Variants in ADAM12 observed in about 807,000 individuals in gnomAD.
ADAM12 encodes ADAM metallopeptidase domain 12.
Under a neutral mutation model 106.4 loss-of-function variants are expected in ADAM12, and 70 were observed. The ratio of observed to expected loss-of-function variants is 0.66; its 90% CI spans 0.54 to 0.80. The LOEUF is 0.80. ADAM12 is among the 30% of genes least tolerant of loss of function. The pLI, the probability that ADAM12 is intolerant of heterozygous loss-of-function variation, is 0.00. For synonymous variants in ADAM12, 420 were observed against 433.5 expected (o/e 0.97, Z 0.39); for missense variants, 1,010 against 1,171.9 (o/e 0.86, Z 2.02).
chr10:126,338,128 T>C (rs1334203663), intron 1 of ADAM12, among the ~76,000 whole-genome samples: 1 of 152,138 alleles, frequency 6.6e-6, no homozygotes, highest in Non-Finnish European at 1.5e-5. Flanking sequence ...TTCTCATAAA[T>C]GTCTAAATAG....
chr10:126,261,461 T>C, intron 3 of ADAM12, among the ~76,000 whole-genome samples: 1 of 152,210 alleles, frequency 6.6e-6, no homozygotes, highest in East Asian at 1.9e-4. Context: ...TTATCTAATT[T>C]TCCTATTAAT....
At chr10:126,116,702 C>T (rs1365204566) in intron 6 of ADAM12, among the ~76,000 whole-genome samples, 1 of 151,838 alleles carries the variant, frequency 6.6e-6, no homozygotes, top group Non-Finnish European at 1.5e-5. Context: ...TACTAGCAAA[C>T]AGAAGACGTG....
intron 2 of ADAM12, among the ~76,000 whole-genome samples, chr10:126,302,565 G>A (rs1400148061): frequency 6.6e-6 from 1 of 152,152 alleles, no homozygotes; most frequent in Non-Finnish European, 1.5e-5. Context: ...AGGGGTCTAA[G>A]CTACAGGAGG....
intron 3 of ADAM12, among the ~76,000 whole-genome samples, chr10:126,201,579 T>C (rs1444729266): frequency 6.6e-6 from 1 of 151,920 alleles, no homozygotes; most frequent in African/African-American, 2.4e-5. Context: ...AGAGACCGAG[T>C]TTCTGTTGTT....
chr10:126,027,846 T>C (rs1260366065), intron 21 of ADAM12, among the ~76,000 whole-genome samples: 1 of 152,142 alleles, frequency 6.6e-6, no homozygotes, highest in Non-Finnish European at 1.5e-5. Context: ...TTGGAAGTTC[T>C]GGGAAGGGCA....
At chr10:126,019,313 G>A (rs1240867623) in intron 22 of ADAM12, among the ~76,000 whole-genome samples, 2 of 152,130 alleles carry the variant, frequency 1.3e-5, no homozygotes, top group African/African-American at 4.8e-5. Flanking sequence ...CCCAGTCTTC[G>A]ATATTTCTTT....
At chr10:126,339,851 T>C (rs1854858245) in intron 1 of ADAM12, among the ~76,000 whole-genome samples, 2 of 136,908 alleles carry the variant, frequency 1.5e-5, no homozygotes, top group Admixed American at 7.2e-5. Flanking sequence ...CTAGGGCTTT[T>C]TTTTTTTTTT....
At chr10:126,068,212 C>G (rs1183400246) in intron 12 of ADAM12, among the ~76,000 whole-genome samples, 1 of 152,098 alleles carries the variant, frequency 6.6e-6, no homozygotes, top group African/African-American at 2.4e-5. Context: ...AAAAAGTAGT[C>G]CATTAATTGC....
At chr10:126,114,262 C>A in intron 6 of ADAM12, among the ~76,000 whole-genome samples, 1 of 152,240 alleles carries the variant, frequency 6.6e-6, no homozygotes. Flanking sequence ...ATCCGGCAAA[C>A]TGAATGTTAA....
intron 3 of ADAM12, among the ~76,000 whole-genome samples, chr10:126,240,552 G>GCCTAT (rs1958502000): frequency 6.6e-6 from 1 of 152,224 alleles, no homozygotes; most frequent in African/African-American, 2.4e-5. Context: ...GGTTAGGCAG[G>GCCTAT]CCTATTTCAC....
Position 126,335,641 on chromosome 10 carries a change from G to A in ADAM12, c.89-5132C>T, listed in dbSNP as rs184013144. ...TGTAGTTCTTTCATTTTAGCTGCAC[G>A]CTCCCTACATGTAAATTAGTAATGC... On this transcript the variant is annotated intron_variant, in intron 1 of 22. Transcript: ENST00000448723. Among the ~76,000 whole-genome samples, 100 of 152,202 alleles carry A rather than the reference G, an allele frequency of 6.6e-4. 1 individual carries two copies. The South Asian group carries it at 0.015, about 22-fold the overall frequency.
At chr10:126,289,243 C>G (rs1960033269) in intron 2 of ADAM12, among the ~76,000 whole-genome samples, 1 of 152,254 alleles carries the variant, frequency 6.6e-6, no homozygotes, top group Non-Finnish European at 1.5e-5. Context: ...ACCACCTCCT[C>G]AGACCTCTGC....
chr10:126,140,830 G>A (rs916882003), intron 4 of ADAM12, among the ~76,000 whole-genome samples: 1 of 152,196 alleles, frequency 6.6e-6, no homozygotes, highest in Non-Finnish European at 1.5e-5. Flanking sequence ...CATGCATCAC[G>A]TGGTTGGTTG....
chr10:126,300,199 C>G (rs1960559944), intron 2 of ADAM12, among the ~76,000 whole-genome samples: 1 of 152,090 alleles, frequency 6.6e-6, no homozygotes, highest in Non-Finnish European at 1.5e-5. Context: ...GTCCTCTTGC[C>G]CTGGCCAAGA....
rs1253394823 is a variant in ADAM12, at chr10:126,014,392, G to A, written c.*2887C>T. ...GGAACAATGGCCTATAGTTCAGCCT[G>A]AGAATTCTCATAAAGTTAAGAAGGC... is the stretch of plus-strand genomic sequence containing the variant. On this transcript the variant is annotated 3_prime_UTR_variant, in exon 23 of 23. Coordinates refer to ENST00000448723, the MANE Select transcript of ADAM12 (RefSeq NM_001288973.2). 8.5e-6 allele frequency: 1 copy of A among 117,282 alleles called. No individual in the cohort carries two copies. Among genetic ancestry groups the A allele is most frequent in the Admixed American group, 1.1e-4 (1 of 9,514 alleles). 7.3% of individuals were successfully genotyped at this position (117,282 alleles called of 1,614,324 possible).
At chr10:126,167,791 C>T (rs1235442603) in intron 3 of ADAM12, among the ~76,000 whole-genome samples, 1 of 152,196 alleles carries the variant, frequency 6.6e-6, no homozygotes, top group African/African-American at 2.4e-5. Context: ...TAAGCATCCA[C>T]ATGGTCTATG....
intron 3 of ADAM12, among the ~76,000 whole-genome samples, chr10:126,234,353 T>C (rs1267918050): frequency 1.3e-5 from 2 of 152,236 alleles, no homozygotes; most frequent in African/African-American, 4.8e-5. Flanking sequence ...TAAGTATTCT[T>C]TAAGCAGACA....
At chr10:126,361,231 C>T (rs1855733455) in intron 1 of ADAM12, among the ~76,000 whole-genome samples, 1 of 151,728 alleles carries the variant, frequency 6.6e-6, no homozygotes, top group Non-Finnish European at 1.5e-5. Context: ...TAAATTTAAG[C>T]AAGGAGTTAA....
intron 3 of ADAM12, among the ~76,000 whole-genome samples, chr10:126,169,708 A>G (rs1957085946): frequency 6.6e-6 from 1 of 152,240 alleles, no homozygotes; most frequent in African/African-American, 2.4e-5. Context: ...TTTAGTTCAT[A>G]AGGTAGAATA....
Sources: allele counts gnomAD v4.1 joint callset (sites outside exome capture counted in the v4.1 genomes callset), GRCh38; gene constraint gnomAD v4.1.1; transcripts MANE v1.5; gene names NCBI Gene and HGNC (gene_info 2026-07-23, HGNC 2026-07-21).